Variants in CFAP299 observed in about 807,000 individuals in gnomAD.
CFAP299 encodes cilia and flagella associated protein 299.
Under a neutral mutation model 27.0 loss-of-function variants are expected in CFAP299, and 21 were observed. That is an observed-to-expected ratio of 0.78 (90% confidence interval 0.55 to 1.12). The LOEUF is 1.12. Among genes scored for constraint, CFAP299 ranks in the 50% most tolerant of loss-of-function variants. CFAP299 has a pLI of 0.00. For missense variants in CFAP299, 310 were observed against 276.6 expected, an observed-to-expected ratio of 1.12 and a Z score of -0.86; for synonymous variants, 104 against 98.1, an observed-to-expected ratio of 1.06 and a Z score of -0.36.
chr4:80,826,582 A>G (rs1014944153), intron 3 of CFAP299, among the ~76,000 whole-genome samples: 1 of 151,848 alleles, frequency 6.6e-6, no homozygotes, highest in Non-Finnish European at 1.5e-5. Flanking sequence ...AATTGACAGG[A>G]TTGAAGGCAG....
At chr4:80,933,638 A>G (rs1205294309) in intron 4 of CFAP299, among the ~76,000 whole-genome samples, 2 of 151,966 alleles carry the variant, frequency 1.3e-5, no homozygotes, top group Non-Finnish European at 2.9e-5. Context: ...TTTTTAGTGT[A>G]TATATCTTTC....
At chr4:80,478,790 T>G (rs1024556550) in intron 2 of CFAP299, among the ~76,000 whole-genome samples, 3 of 151,878 alleles carry the variant, frequency 2.0e-5, no homozygotes, top group African/African-American at 7.2e-5. Context: ...TGCTCTGTTT[T>G]TTTTTTTTTA....
chr4:80,864,534 A>G (rs969824220), intron 3 of CFAP299, among the ~76,000 whole-genome samples: 5 of 147,610 alleles, frequency 3.4e-5, no homozygotes, highest in Non-Finnish European at 7.5e-5. Flanking sequence ...ATATACATAT[A>G]CGTATATATA....
chr4:80,393,075 G>A (rs527918556), intron 2 of CFAP299, among the ~76,000 whole-genome samples: 3 of 152,182 alleles, frequency 2.0e-5, no homozygotes, highest in African/African-American at 7.2e-5. Flanking sequence ...CTGACCCTGT[G>A]TAGGCTTAGG....
intron 3 of CFAP299, among the ~76,000 whole-genome samples, chr4:80,734,999 T>C (rs1229243300): frequency 6.6e-6 from 1 of 152,192 alleles, no homozygotes; most frequent in East Asian, 1.9e-4. Flanking sequence ...ATGTCACTGG[T>C]ATTTTGATAC....
chr4:80,341,359 G>A (rs1234660368), intron 1 of CFAP299, among the ~76,000 whole-genome samples: 4 of 152,164 alleles, frequency 2.6e-5, no homozygotes, highest in Admixed American at 1.3e-4. Context: ...TCTTTCAGTG[G>A]GCTCTTGATC....
intron 2 of CFAP299, among the ~76,000 whole-genome samples, chr4:80,447,330 T>C (rs1280014777): frequency 2.0e-5 from 3 of 149,276 alleles, no homozygotes; most frequent in African/African-American, 7.5e-5. Flanking sequence ...AGAGACGGGG[T>C]TTCACCGTTT....
the CFAP299 span, among the ~76,000 whole-genome samples, chr4:80,329,716 G>T: frequency 6.6e-6 from 1 of 151,886 alleles, no homozygotes; most frequent in African/African-American, 2.4e-5. Flanking sequence ...TATCTGCTTA[G>T]TTGTGACTGG....
chr4:80,869,905 T>C (rs954831511), intron 3 of CFAP299, 88 bp from the exon 4 acceptor site: 3 of 1,234,904 alleles, frequency 2.4e-6, no homozygotes, highest in African/African-American at 3.0e-5. Flanking sequence ...TCACTCATAT[T>C]AGTGTTTTAC....
intron 2 of CFAP299, among the ~76,000 whole-genome samples, chr4:80,493,437 G>T (rs1226299637): frequency 6.6e-6 from 1 of 152,246 alleles, no homozygotes; most frequent in African/African-American, 2.4e-5. Context: ...AAAGATGATG[G>T]GATGAGTGCT....
chr4:80,447,130 G>GTTTT (rs1553923883), intron 2 of CFAP299, among the ~76,000 whole-genome samples: 35 of 105,298 alleles, frequency 3.3e-4, no homozygotes, highest in African/African-American at 1.1e-3. Flanking sequence ...TTTTTTTTTT[G>GTTTT]TTTTTTTTTT....
At chr4:80,768,909 TAGCATA>T (rs1206148082) in intron 3 of CFAP299, among the ~76,000 whole-genome samples, 2 of 152,164 alleles carry the variant, frequency 1.3e-5, no homozygotes, top group African/African-American at 4.8e-5. Context: ...CAATAATTAA[TAGCATA>T]TGCTATGATA....
intron 2 of CFAP299, among the ~76,000 whole-genome samples, chr4:80,446,970 C>T (rs73829289): frequency 0.088 from 13,434 of 151,976 alleles, 1,459 homozygotes; most frequent in African/African-American, 0.26. Context: ...TTTTTTTTTA[C>T]ATAATCTCAA....
At chr4:80,586,912 C>G (rs528146207) in intron 3 of CFAP299, among the ~76,000 whole-genome samples, 11 of 151,628 alleles carry the variant, frequency 7.3e-5, no homozygotes, top group African/African-American at 2.2e-4. Context: ...ATTATTGAAG[C>G]TAGTAAAAAA....
At chr4:80,463,487 C>T (rs7677540) in intron 2 of CFAP299, among the ~76,000 whole-genome samples, 11,055 of 152,100 alleles carry the variant, frequency 0.073, 1,308 homozygotes, top group African/African-American at 0.25. Flanking sequence ...TTTGGGCTGC[C>T]GTAACAAAAT....
intron 2 of CFAP299, chr4:80,420,285 A>G (rs1002224040): frequency 5.7e-5 from 26 of 453,440 alleles, no homozygotes; most frequent in Admixed American, 1.2e-4. Context: ...GTTTCCATCA[A>G]TGCTGATTCT....
intron 2 of CFAP299, among the ~76,000 whole-genome samples, chr4:80,458,212 G>T (rs1207253481): frequency 6.6e-6 from 1 of 152,202 alleles, no homozygotes; most frequent in Non-Finnish European, 1.5e-5. Context: ...AGAGTCACAT[G>T]AATATACATT....
chr4:80,952,944 G>A (rs1030342616), intron 5 of CFAP299, among the ~76,000 whole-genome samples: 5 of 152,026 alleles, frequency 3.3e-5, no homozygotes, highest in African/African-American at 7.2e-5. Context: ...TTCTCAAAAC[G>A]GAGACCCATA....
chr4:80,692,080 A>C (rs553637553), intron 3 of CFAP299, among the ~76,000 whole-genome samples: 13 of 152,308 alleles, frequency 8.5e-5, no homozygotes, highest in African/African-American at 1.9e-4. Context: ...CTATGCTCAT[A>C]GGTAGGAAGA....
Sources: allele counts gnomAD v4.1 joint callset (sites outside exome capture counted in the v4.1 genomes callset), GRCh38; gene constraint gnomAD v4.1.1; transcripts MANE v1.5; gene names NCBI Gene and HGNC (gene_info 2026-07-23, HGNC 2026-07-21).